KCTD1: variants seen among roughly 807,000 people sequenced by gnomAD.
KCTD1 encodes potassium channel tetramerization domain containing 1.
A neutral mutation model predicts 66.0 loss-of-function variants in KCTD1; 24 were observed. That is an observed-to-expected ratio of 0.36 (90% CI 0.26 to 0.51). The LOEUF (loss-of-function observed/expected upper bound fraction) is 0.51. Ranked by LOEUF, KCTD1 falls within the 20% of genes least tolerant of loss-of-function variation. KCTD1 has a pLI of 0.95. For synonymous variants in KCTD1, 511 were observed against 517.2 expected (o/e 0.99, Z 0.16); for missense variants, 943 against 1,205.2 (o/e 0.78, Z 3.22).
intron 1 of KCTD1, among the ~76,000 whole-genome samples, chr18:26,535,971 C>CCAAAAAAA (rs1322496086): frequency 5.7e-5 from 7 of 122,820 alleles, no homozygotes; most frequent in African/African-American, 2.1e-4. Flanking sequence ...GTGATTCCTC[C>CCAAAAAAA]AAAAAAAAAA....
At chr18:26,572,318 A>C (rs1399200016) in intron 1 of KCTD1, among the ~76,000 whole-genome samples, 1 of 152,244 alleles carries the variant, frequency 6.6e-6, no homozygotes, top group Admixed American at 6.5e-5. Context: ...TTGGTCTCCC[A>C]AAGTGCTGGG....
At chr18:26,590,160 T>C (rs1457973287) in intron 1 of KCTD1, among the ~76,000 whole-genome samples, 3 of 152,122 alleles carry the variant, frequency 2.0e-5, no homozygotes, top group Non-Finnish European at 2.9e-5. Context: ...CTCAGCTCAC[T>C]GCAACCTCTG....
At chr18:26,648,802 T>C (rs923294784) in intron 1 of KCTD1, among the ~76,000 whole-genome samples, 4 of 152,202 alleles carry the variant, frequency 2.6e-5, no homozygotes, top group Non-Finnish European at 4.4e-5. Flanking sequence ...ACTCACCATA[T>C]GTGAACCTGG....
intron 1 of KCTD1, among the ~76,000 whole-genome samples, chr18:26,526,479 T>C (rs1346113838): frequency 1.3e-5 from 2 of 152,168 alleles, no homozygotes; most frequent in African/African-American, 4.8e-5. Flanking sequence ...CCTACATGTG[T>C]TTGAACAGGT....
rs947505705 is a variant in KCTD1, at chr18:26,472,027, G to A, written c.2133+4488C>T. On this transcript the variant is annotated intron_variant, in intron 3 of 4. Transcript: ENST00000580059. ...GCGAAGAAGAGGAAAAAGTCCAGAA[G>A]GACTGCAGGTTCCTGCCTTGAGCAA... Among the ~76,000 whole-genome samples, 12 of 152,158 alleles carry A rather than the reference G, an allele frequency of 7.9e-5. No individual in the cohort carries two copies. In the East Asian group the frequency reaches 2.3e-3, roughly 29 times the overall value.
At chr18:26,641,445 T>G (rs1456842255), upstream of KCTD1, among the ~76,000 whole-genome samples, 6 of 152,220 alleles carry the variant, frequency 3.9e-5, no homozygotes, top group Non-Finnish European at 7.3e-5. Flanking sequence ...TGTGAATGCT[T>G]CCCATGGCAT....
intron 1 of KCTD1, among the ~76,000 whole-genome samples, chr18:26,559,405 CAAGAA>C (rs1414805164): frequency 6.6e-6 from 1 of 152,110 alleles, no homozygotes; most frequent in Non-Finnish European, 1.5e-5. Context: ...AAAAAGAAAA[CAAGAA>C]AAGAGAAGAA....
intron 2 of KCTD1, among the ~76,000 whole-genome samples, chr18:26,490,053 G>A (rs1165407886): frequency 2.6e-5 from 4 of 152,128 alleles, no homozygotes; most frequent in African/African-American, 9.7e-5. Context: ...GATCAAAAAC[G>A]AGTACAGTCA....
upstream of KCTD1, among the ~76,000 whole-genome samples, chr18:26,643,974 G>A (rs1179270627): frequency 6.6e-6 from 1 of 151,862 alleles, no homozygotes. Flanking sequence ...AAAAAAAAGG[G>A]GGCCTGCTAA....
At position 26,613,746 on chromosome 18, in the gene KCTD1, C is replaced by A. The variant is rs564250158; in HGVS notation, c.-16+15401G>T. ...TCCTACTTTGAACAGAGAGAAGAGG[C>A]TCTTTCATTTGACCAAACTGCTGAC... is the stretch of plus-strand genomic sequence containing the variant. On this transcript the variant is annotated intron_variant, in intron 1 of 4. Transcript: ENST00000317932. Among the ~76,000 whole-genome samples the A allele has an allele frequency of 2.0e-5, 3 of 152,312 alleles. No individual in the cohort carries two copies. The East Asian group carries it at 5.8e-4, about 29-fold the overall frequency.
chr18:26,640,998 G>A (rs972905111), upstream of KCTD1, among the ~76,000 whole-genome samples: 13 of 152,054 alleles, frequency 8.5e-5, no homozygotes, highest in African/African-American at 2.9e-4. Flanking sequence ...CAGGAAAGGG[G>A]GCTGAATTTG....
intron 1 of KCTD1, among the ~76,000 whole-genome samples, chr18:26,590,737 A>T (rs771485791): frequency 6.6e-6 from 1 of 152,148 alleles, no homozygotes; most frequent in Non-Finnish European, 1.5e-5. Context: ...AAAACTGCCT[A>T]TATGCATTTT....
rs180735402 is a variant in KCTD1, at chr18:26,459,878, G to A, written c.2181C>T (p.Pro727=). ...TCCATCTTTCCATCTCCAACAACAT[G>A]GGCTGAAGCTGAAAATATTTTGCCT... ...YEEAKYFQLQ[P]MLLEMERWKQ... Residue 727 remains proline (P), a synonymous_variant, in exon 4 of 5, where the codon CCC becomes CCT. Transcript: ENST00000580059. The A allele has an allele frequency of 2.5e-4, 396 of 1,605,784 alleles. 4 individuals carry two copies. In the Admixed American group the frequency reaches 6.7e-3, roughly 27 times the overall value.
At chr18:26,565,899 ATAT>A (rs1985970083) in intron 1 of KCTD1, 1 of 152,110 alleles carries the variant, frequency 6.6e-6, no homozygotes, top group African/African-American at 2.4e-5. Flanking sequence ...TTCAGAGAGT[ATAT>A]TATTACTGGA....
At chr18:26,656,397 G>T (rs1204129627) in intron 1 of KCTD1, among the ~76,000 whole-genome samples, 1 of 152,208 alleles carries the variant, frequency 6.6e-6, no homozygotes, top group African/African-American at 2.4e-5. Context: ...GAGGAGGTGG[G>T]GAGGAAGAGG....
At chr18:26,503,632 G>A (rs1473679925) in intron 1 of KCTD1, among the ~76,000 whole-genome samples, 1 of 152,112 alleles carries the variant, frequency 6.6e-6, no homozygotes, top group Non-Finnish European at 1.5e-5. Context: ...AGGCGAAAAT[G>A]AACAGATTTG....
chr18:26,461,407 C>T (rs948421700), intron 3 of KCTD1, among the ~76,000 whole-genome samples: 1 of 152,194 alleles, frequency 6.6e-6, no homozygotes, highest in Non-Finnish European at 1.5e-5. Flanking sequence ...GTCTTGGTTC[C>T]CTGCAGGAAA....
chr18:26,457,811 C>T (rs940675642), intron 4 of KCTD1: 6 of 152,148 alleles, frequency 3.9e-5, no homozygotes, highest in African/African-American at 1.4e-4. Flanking sequence ...ATTTCTTGGT[C>T]GGTGGAGCAG....
At chr18:26,656,712 G>A (rs1476383852) in intron 1 of KCTD1, among the ~76,000 whole-genome samples, 1 of 151,542 alleles carries the variant, frequency 6.6e-6, no homozygotes, top group Non-Finnish European at 1.5e-5. Context: ...GCGAGAAGGG[G>A]GCGGCGGGGC....
Sources: gnomAD v4.1 joint callset for allele counts (sites outside exome capture counted in the v4.1 genomes callset) on GRCh38, gnomAD v4.1.1 for gene constraint, MANE v1.5 for transcripts, NCBI Gene and HGNC (gene_info 2026-07-23, HGNC 2026-07-21) for gene names.